TCF12: variants seen among roughly 807,000 people sequenced by gnomAD.
TCF12 encodes DNA-binding protein HTF4.
A neutral mutation model predicts 86.0 loss-of-function variants in TCF12; 45 were observed. The observed-to-expected ratio is 0.52, with a 90% CI of 0.41 to 0.67. The LOEUF (loss-of-function observed/expected upper bound fraction) is 0.67. Among genes scored for constraint, TCF12 ranks in the 30% least tolerant of loss-of-function variants. The pLI is 0.00. For missense variants in TCF12, 881 were observed against 859.9 expected (o/e 1.02, Z -0.31); for synonymous variants, 330 against 299.6 (o/e 1.10, Z -1.05).
At chr15:57,121,305 C>T (rs1023333444) in intron 5 of TCF12, among the ~76,000 whole-genome samples, 4 of 152,126 alleles carry the variant, frequency 2.6e-5, no homozygotes, top group Admixed American at 6.5e-5. Flanking sequence ...AATATGAATT[C>T]GGTTCACTCT....
At chr15:57,070,179 A>T (rs1318961139) in intron 4 of TCF12, among the ~76,000 whole-genome samples, 1 of 151,820 alleles carries the variant, frequency 6.6e-6, no homozygotes, top group Non-Finnish European at 1.5e-5. Flanking sequence ...TCAGCACAAG[A>T]TGATATCCGG....
intron 5 of TCF12, among the ~76,000 whole-genome samples, chr15:57,153,596 C>T (rs1266689054): frequency 1.3e-5 from 2 of 152,022 alleles, no homozygotes; most frequent in African/African-American, 4.8e-5. Flanking sequence ...AAATATGTAA[C>T]AGTAATCTAA....
intron 3 of TCF12, among the ~76,000 whole-genome samples, chr15:56,972,833 A>G (rs2062406551): frequency 6.6e-6 from 1 of 152,218 alleles, no homozygotes; most frequent in South Asian, 2.1e-4. Context: ...AATGAGTAAC[A>G]TAGTTATGGA....
chr15:57,282,286 C>G, intron 19 of TCF12, 159 bp from the exon 20 acceptor site: 1 of 766,680 alleles, frequency 1.3e-6, no homozygotes, highest in Non-Finnish European at 2.1e-6. Flanking sequence ...TCTGGAGGCT[C>G]AGTTCAATGC....
intron 11 of TCF12, among the ~76,000 whole-genome samples, chr15:57,233,283 C>T (rs994644515): frequency 1.3e-5 from 2 of 151,962 alleles, no homozygotes; most frequent in Admixed American, 6.6e-5. Context: ...GGAGGTGATC[C>T]TCCTGCCTCA....
chr15:57,000,645 A>G (rs1035284471), intron 3 of TCF12, among the ~76,000 whole-genome samples: 17 of 152,190 alleles, frequency 1.1e-4, no homozygotes, highest in Non-Finnish European at 7.4e-5. Context: ...GCAGAAATCA[A>G]TGAAATTAAA....
At chr15:57,097,746 C>T (rs2049429321) in intron 5 of TCF12, among the ~76,000 whole-genome samples, 1 of 152,014 alleles carries the variant, frequency 6.6e-6, no homozygotes. Flanking sequence ...CATTCTCTGA[C>T]CTTTGGCTGT....
chr15:57,088,640 T>C (rs1391821348), intron 4 of TCF12, among the ~76,000 whole-genome samples: 3 of 152,156 alleles, frequency 2.0e-5, no homozygotes, highest in Non-Finnish European at 2.9e-5. Context: ...ATGAAAAAGA[T>C]CTTTATTCCA....
chr15:57,026,866 T>C (rs1442253004), intron 3 of TCF12, among the ~76,000 whole-genome samples: 2 of 152,200 alleles, frequency 1.3e-5, no homozygotes, highest in Non-Finnish European at 2.9e-5. Context: ...GCATATAACC[T>C]GTGCACATCC....
In TCF12 at chr15:57,069,541, A is replaced by G. The variant is rs555073403; in HGVS notation, c.222+5718A>G. Among the ~76,000 whole-genome samples, 8 of 152,292 alleles carry G rather than the reference A, an allele frequency of 5.3e-5. No homozygotes were observed. In the South Asian group the frequency reaches 1.2e-3, roughly 24 times the overall value. Reference sequence around the variant, plus strand: ...TAGAATTTTCAAAACTGAAAGATGCATTGGTTATATATGTTCTGTCTCTTT... The same window carrying G: ...TAGAATTTTCAAAACTGAAAGATGCGTTGGTTATATATGTTCTGTCTCTTT... On this transcript the variant is annotated intron_variant, in intron 4 of 20. Coordinates refer to ENST00000333725, the MANE Select transcript of TCF12 (RefSeq NM_207037.2).
chr15:57,212,985 C>A (rs1317158893), intron 8 of TCF12, among the ~76,000 whole-genome samples: 72 of 152,222 alleles, frequency 4.7e-4, no homozygotes, highest in Non-Finnish European at 1.5e-5. Flanking sequence ...TTCTGCCCTA[C>A]TGCATACACA....
At chr15:57,224,321 A>G (rs1380703331) in intron 8 of TCF12, among the ~76,000 whole-genome samples, 1 of 152,118 alleles carries the variant, frequency 6.6e-6, no homozygotes, top group Non-Finnish European at 1.5e-5. Context: ...GTCCCTTAGA[A>G]ATTCCATAAT....
chr15:56,928,006 C>G (rs2060089909), intron 3 of TCF12, among the ~76,000 whole-genome samples: 1 of 152,086 alleles, frequency 6.6e-6, no homozygotes, highest in Non-Finnish European at 1.5e-5. Context: ...GGAGTGGAGT[C>G]TAATTGGAGT....
intron 3 of TCF12, among the ~76,000 whole-genome samples, chr15:56,977,968 G>C (rs1430290238): frequency 6.6e-6 from 1 of 151,828 alleles, no homozygotes. Flanking sequence ...ACTGGTTGCG[G>C]GACCACTCTT....
At chr15:57,224,124 A>G (rs535507738) in intron 8 of TCF12, among the ~76,000 whole-genome samples, 1 of 151,970 alleles carries the variant, frequency 6.6e-6, no homozygotes, top group East Asian at 1.9e-4. Flanking sequence ...TTTACATACT[A>G]GAAGGTATGT....
At chr15:57,152,185 A>G (rs991216259) in intron 5 of TCF12, among the ~76,000 whole-genome samples, 8 of 152,234 alleles carry the variant, frequency 5.3e-5, no homozygotes, top group African/African-American at 1.4e-4. Context: ...CTTATATGGA[A>G]AGAGGCATAC....
At chr15:57,132,659 G>C (rs1364334498) in intron 5 of TCF12, among the ~76,000 whole-genome samples, 1 of 152,114 alleles carries the variant, frequency 6.6e-6, no homozygotes, top group Non-Finnish European at 1.5e-5. Flanking sequence ...ATTTGAGTTT[G>C]CTGGTTTGCT....
intron 3 of TCF12, among the ~76,000 whole-genome samples, chr15:57,009,760 C>A (rs1323072491): frequency 1.3e-5 from 2 of 152,180 alleles, no homozygotes; most frequent in East Asian, 1.9e-4. Context: ...ACATGAAGTT[C>A]TAGGTTCCAC....
At chr15:57,014,946 C>A (rs1341666280) in intron 3 of TCF12, among the ~76,000 whole-genome samples, 1 of 151,018 alleles carries the variant, frequency 6.6e-6, no homozygotes, top group Non-Finnish European at 1.5e-5. Context: ...AGTGACTCTT[C>A]CAGATGAAGG....
Sources: gnomAD v4.1 joint callset for allele counts (sites outside exome capture counted in the v4.1 genomes callset) on GRCh38, gnomAD v4.1.1 for gene constraint, MANE v1.5 for transcripts, NCBI Gene and HGNC (gene_info 2026-07-23, HGNC 2026-07-21) for gene names.